The following TBCK variants were observed in gnomAD, a reference collection of about 807,000 sequenced individuals.
TBCK encodes the protein TBC1 domain containing kinase, also known as TBC domain-containing protein kinase-like protein.
TBCK carries 99 observed loss-of-function variants against 113.4 expected under a neutral mutation model. The ratio of observed to expected loss-of-function variants is 0.87; its 90% CI spans 0.74 to 1.03. TBCK has a LOEUF of 1.03. Among genes scored for constraint, TBCK ranks in the 50% least tolerant of loss-of-function variants. The probability of loss-of-function intolerance (pLI) is 0.00; values close to 1 mark genes in which losing one functional copy is unlikely to be tolerated. For missense variants in TBCK, 1,045 were observed against 1,061.3 expected (o/e 0.98, Z 0.21); for synonymous variants, 369 against 370.8 (o/e 1.00, Z 0.05).
At position 106,044,483 on chromosome 4, in the gene TBCK, C is replaced by G. The variant is rs1382252757; in HGVS notation, c.*2087G>C. 1 of 152,008 alleles carries G rather than the reference C, an allele frequency of 6.6e-6. No individual in the cohort carries two copies. Among genetic ancestry groups the G allele is most frequent in the African/African-American group, 2.4e-5 (1 of 41,360 alleles). 9.4% of individuals were successfully genotyped at this position (152,008 alleles called of 1,614,324 possible). On this transcript the variant is annotated 3_prime_UTR_variant, in exon 26 of 26. Transcript: ENST00000394708. Reference sequence around the variant, plus strand: ...ATATAACTATGGATTATATTAGTGTCTTAGAAATACATAGTAGGTATTCAA... The same window carrying G: ...ATATAACTATGGATTATATTAGTGTGTTAGAAATACATAGTAGGTATTCAA...
chr4:106,140,092 C>T (rs1014686174), intron 23 of TBCK, among the ~76,000 whole-genome samples: 11 of 140,138 alleles, frequency 7.8e-5, no homozygotes, highest in African/African-American at 2.8e-4. Flanking sequence ...TTCAATTTTA[C>T]AGTTGTTAAA....
intron 20 of TBCK, 28 bp downstream of exon 20, chr4:106,212,722 A>G (rs777999857): frequency 2.7e-6 from 4 of 1,479,262 alleles, no homozygotes; most frequent in Admixed American, 3.7e-5. Flanking sequence ...TTTTAACCAC[A>G]TGTTCTATTA....
chr4:106,084,125 A>G (rs1578845981), intron 25 of TBCK, among the ~76,000 whole-genome samples: 2 of 152,232 alleles, frequency 1.3e-5, no homozygotes, highest in East Asian at 3.9e-4. Context: ...AAGATGGGTA[A>G]TAAAAAACTA....
chr4:106,278,404 A>G (rs1764228067), intron 3 of TBCK, among the ~76,000 whole-genome samples: 1 of 151,754 alleles, frequency 6.6e-6, no homozygotes, highest in Non-Finnish European at 1.5e-5. Context: ...CTAAAAATAC[A>G]AAAAATTAGC....
intron 1 of TBCK, among the ~76,000 whole-genome samples, chr4:106,309,305 CTTTT>C (rs536969885): frequency 3.9e-5 from 4 of 103,160 alleles, no homozygotes; most frequent in Admixed American, 2.3e-4. Context: ...AGGCTCTTCT[CTTTT>C]TTTTTTTTTT....
intron 23 of TBCK, among the ~76,000 whole-genome samples, chr4:106,147,782 G>T (rs377710451): frequency 6.6e-6 from 1 of 152,108 alleles, no homozygotes; most frequent in East Asian, 1.9e-4. Flanking sequence ...CTTGAAAAAA[G>T]AACAGGATAA....
chr4:106,166,360 C>A (rs1750369577), intron 23 of TBCK, among the ~76,000 whole-genome samples: 1 of 151,682 alleles, frequency 6.6e-6, no homozygotes, highest in Non-Finnish European at 1.5e-5. Context: ...CATGAACTTA[C>A]AGAAGTGGTT....
chr4:106,198,044 CA>C (rs10710318), intron 20 of TBCK, among the ~76,000 whole-genome samples: 3,733 of 152,194 alleles, frequency 0.025, 63 homozygotes, highest in Non-Finnish European at 0.036. Context: ...TCCACCACAT[CA>C]ATATGTTCCC....
chr4:106,147,826 A>C (rs1747994857), intron 23 of TBCK, among the ~76,000 whole-genome samples: 1 of 152,246 alleles, frequency 6.6e-6, no homozygotes, highest in Non-Finnish European at 1.5e-5. Context: ...AGATAACCTT[A>C]AACTCTGACC....
chr4:106,132,379 T>C (rs1746052422), intron 23 of TBCK, among the ~76,000 whole-genome samples: 1 of 152,236 alleles, frequency 6.6e-6, no homozygotes, highest in Non-Finnish European at 1.5e-5. Flanking sequence ...CTTCAGGGGG[T>C]GCAAGCCCCA....
At chr4:106,128,249 A>G (rs1204876931) in intron 23 of TBCK, among the ~76,000 whole-genome samples, 1 of 152,212 alleles carries the variant, frequency 6.6e-6, no homozygotes, top group Non-Finnish European at 1.5e-5. Flanking sequence ...AATTTTAGAA[A>G]AAGAAAACCC....
chr4:106,059,002 T>A (rs758836207), intron 25 of TBCK, among the ~76,000 whole-genome samples: 2 of 151,680 alleles, frequency 1.3e-5, no homozygotes, highest in Non-Finnish European at 3.0e-5. Context: ...AATAATACTT[T>A]TTCATATAAT....
intron 24 of TBCK, among the ~76,000 whole-genome samples, chr4:106,108,441 G>GA (rs1347321883): frequency 6.6e-6 from 1 of 152,174 alleles, no homozygotes; most frequent in Non-Finnish European, 1.5e-5. Context: ...CGGGATGCAA[G>GA]ATTGGCTCAA....
Position 106,045,488 on chromosome 4 carries a change from A to C in TBCK, c.*1082T>G, listed in dbSNP as rs1431678554. 1 of 152,162 alleles carries C rather than the reference A, an allele frequency of 6.6e-6. No individual in the cohort carries two copies. The allele number at this position is 152,162 out of a possible 1,614,324, so 9.4% of individuals were successfully genotyped here. A position where few individuals can be genotyped will look rare whatever the true frequency, so the allele number is the denominator to read the frequency against. The stretch of plus-strand genomic sequence containing the variant: ...ACTCTCTTCTTCCCACACAGTAATA[A>C]GAATGTTTTTAGCTGGGGAAATGAT... On this transcript the variant is annotated 3_prime_UTR_variant, in exon 26 of 26. Coordinates refer to ENST00000394708, the MANE Select transcript of TBCK (RefSeq NM_001163435.3).
intron 11 of TBCK, 82 bp downstream of exon 11, chr4:106,244,544 C>A: frequency 4.3e-6 from 5 of 1,167,922 alleles, no homozygotes; most frequent in Non-Finnish European, 4.5e-6. Flanking sequence ...AAAAAAACAC[C>A]GATTTTCTTT....
chr4:106,251,991 C>A lies in TBCK; in HGVS notation c.472G>T (p.Ala158Ser). 6.2e-7 allele frequency: 1 copy of A among 1,608,774 alleles called. No individual in the cohort carries two copies. Among genetic ancestry groups the A allele is most frequent in the Non-Finnish European group, 8.5e-7 (1 of 1,177,164 alleles). Residue 158 changes from alanine (A) to serine (S), a missense_variant, in exon 6 of 26, where the codon GCC becomes TCC. Physicochemically the swap from Ala to Ser is moderately conservative, Grantham distance 99 (BLOSUM62 1). Transcript: ENST00000394708. ...ATTCCCTGTGCAATTACCTCAGGGG[C>A]CAAGTACGAGGGATACCTGTAATGA... The part of the protein sequence containing the change: ...DFPIGYPSYL[A>S]PEVIAQGIFK...
intron 2 of TBCK, among the ~76,000 whole-genome samples, chr4:106,306,780 T>G (rs1489878531): frequency 1.3e-5 from 2 of 152,166 alleles, no homozygotes; most frequent in African/African-American, 4.8e-5. Context: ...GAGAGACCCT[T>G]AAGGCCTCAA....
intron 25 of TBCK, among the ~76,000 whole-genome samples, chr4:106,092,318 G>A (rs1740362749): frequency 6.6e-6 from 1 of 152,228 alleles, no homozygotes; most frequent in South Asian, 2.1e-4. Flanking sequence ...ACTAGACTCA[G>A]GAGCCCAGCT....
chr4:106,203,133 T>C (rs193061031), intron 20 of TBCK, among the ~76,000 whole-genome samples: 7 of 152,034 alleles, frequency 4.6e-5, no homozygotes, highest in Non-Finnish European at 8.8e-5. Flanking sequence ...GTTATAACCA[T>C]GCAAGTGCAA....
Sources: allele counts gnomAD v4.1 joint callset (sites outside exome capture counted in the v4.1 genomes callset), GRCh38; gene constraint gnomAD v4.1.1; transcripts MANE v1.5; gene names NCBI Gene and HGNC (gene_info 2026-07-23, HGNC 2026-07-21).